Variants in USP34 observed in about 807,000 individuals in gnomAD.
The protein encoded by USP34 is ubiquitin specific peptidase 34, also known as ubiquitin carboxyl-terminal hydrolase 34.
Under a neutral mutation model 460.3 loss-of-function variants are expected in USP34, and 70 were observed. That is an observed-to-expected ratio of 0.15 (90% confidence interval 0.13 to 0.19). USP34 has a LOEUF of 0.19. USP34 is among the 10% of genes least tolerant of loss of function. The probability of loss-of-function intolerance (pLI) is 1.00; values close to 1 mark genes in which losing one functional copy is unlikely to be tolerated. For synonymous variants in USP34, 1,647 were observed against 1,405.3 expected (o/e 1.17, Z -3.85); for missense variants, 3,985 against 4,236.2 (o/e 0.94, Z 1.65).
At chr2:61,270,205 G>C (rs2103930331) in intron 41 of USP34, among the ~76,000 whole-genome samples, 1 of 152,304 alleles carries the variant, frequency 6.6e-6, no homozygotes, top group East Asian at 1.9e-4. Context: ...TGAGGACTCT[G>C]CCCTTATCAA....
At chr2:61,463,320 T>A (rs1006202694) in intron 1 of USP34, among the ~76,000 whole-genome samples, 12 of 152,098 alleles carry the variant, frequency 7.9e-5, no homozygotes, top group African/African-American at 2.9e-4. Context: ...ACACTGTCTC[T>A]TAAAAAATAA....
chr2:61,431,932 TTGAGA>T (rs1356167715), intron 1 of USP34, among the ~76,000 whole-genome samples: 2 of 152,148 alleles, frequency 1.3e-5, no homozygotes, highest in Non-Finnish European at 2.9e-5. Flanking sequence ...TGATAAATGC[TTGAGA>T]TAACAATAAT....
chr2:61,419,945 T>A (rs1292148152), intron 2 of USP34, among the ~76,000 whole-genome samples: 1 of 152,208 alleles, frequency 6.6e-6, no homozygotes, highest in African/African-American at 2.4e-5. Context: ...ACAAAGTCTT[T>A]TGCAACAAGT....
At chr2:61,306,253 G>A (rs1690400677) in intron 27 of USP34, among the ~76,000 whole-genome samples, 1 of 152,180 alleles carries the variant, frequency 6.6e-6, no homozygotes, top group African/African-American at 2.4e-5. Flanking sequence ...TGTATAAGGT[G>A]TAAGGAAGGG....
At chr2:61,400,793 A>G (rs1174288104) in intron 3 of USP34, among the ~76,000 whole-genome samples, 1 of 152,142 alleles carries the variant, frequency 6.6e-6, no homozygotes, top group East Asian at 1.9e-4. Flanking sequence ...CAAGGCTACA[A>G]TGAATCATAA....
chr2:61,288,934 A>C, intron 33 of USP34, 57 bp from the exon 34 acceptor site: 1 of 1,551,630 alleles, frequency 6.4e-7, no homozygotes, highest in Non-Finnish European at 8.8e-7. Context: ...AATGGCCACA[A>C]TACAATTTTG....
In USP34 at chr2:61,283,034, A is replaced by T. The variant is rs1689581497; in HGVS notation, c.4998+111T>A. ...CTTAAAGGATTAAGCAGATAATGTG[A>T]TATATTTATGGACTCACGCATATTT... On this transcript the variant is annotated intron_variant, in intron 37 of 79. Coordinates refer to ENST00000398571, the MANE Select transcript of USP34 (RefSeq NM_014709.4). 1.2e-5 allele frequency: 13 copies of T among 1,114,800 alleles called. No individual in the cohort carries two copies. In the South Asian group the frequency reaches 2.1e-4, roughly 18 times the overall value. The allele number at this position is 1,114,800 out of a possible 1,614,324, so 69.1% of individuals were successfully genotyped here.
At chr2:61,370,270 T>C in intron 10 of USP34, 51 bp downstream of exon 10, 2 of 1,566,156 alleles carry the variant, frequency 1.3e-6, no homozygotes, top group Non-Finnish European at 1.8e-6. Context: ...GAGAAGCACT[T>C]AGAACATATG....
chr2:61,339,089 T>A (rs1206503515), intron 18 of USP34, among the ~76,000 whole-genome samples: 1 of 152,160 alleles, frequency 6.6e-6, no homozygotes, highest in Admixed American at 6.5e-5. Flanking sequence ...ATCAAAAAGA[T>A]AGTATTGTTA....
chr2:61,274,750 T>C (rs1689321632), intron 41 of USP34, among the ~76,000 whole-genome samples: 1 of 152,218 alleles, frequency 6.6e-6, no homozygotes, highest in Admixed American at 6.5e-5. Flanking sequence ...AGGTTGTAGG[T>C]ACAGCCATAA....
intron 1 of USP34, among the ~76,000 whole-genome samples, chr2:61,453,728 A>AC: frequency 6.7e-6 from 1 of 150,278 alleles, no homozygotes; most frequent in African/African-American, 2.5e-5. Flanking sequence ...AAAAAAAAAA[A>AC]AAAAAAAGGA....
At chr2:61,310,197 T>C (rs1690543830) in intron 27 of USP34, among the ~76,000 whole-genome samples, 1 of 152,170 alleles carries the variant, frequency 6.6e-6, no homozygotes, top group Admixed American at 6.5e-5. Context: ...CTACGCACAA[T>C]ATATTTCAAC....
chr2:61,371,543 TATA>T (rs1368327852), intron 8 of USP34, among the ~76,000 whole-genome samples: 1 of 151,932 alleles, frequency 6.6e-6, no homozygotes, highest in East Asian at 1.9e-4. Context: ...TAAATGTTAT[TATA>T]AGAGTCAAAA....
At chr2:61,206,710 TC>T in intron 71 of USP34, 49 bp downstream of exon 71, 1 of 1,589,384 alleles carries the variant, frequency 6.3e-7, no homozygotes, top group East Asian at 2.2e-5. Context: ...AAACCTTCTC[TC>T]TCTTTACTAG....
At chr2:61,372,807 CAT>C (rs1448704143) in intron 8 of USP34, among the ~76,000 whole-genome samples, 1 of 152,104 alleles carries the variant, frequency 6.6e-6, no homozygotes, top group East Asian at 1.9e-4. Context: ...GGTCTGAAAA[CAT>C]ACATGCAATG....
chr2:61,321,774 G>A (rs1690930518), intron 21 of USP34, among the ~76,000 whole-genome samples: 2 of 152,256 alleles, frequency 1.3e-5, no homozygotes, highest in African/African-American at 2.4e-5. Flanking sequence ...CCCTAAAATA[G>A]GAGCACATCC....
chr2:61,278,171 T>C lies in USP34; in HGVS notation c.5427A>G (p.Glu1809=). Residue 1809 remains glutamate (E), a synonymous_variant, in exon 41 of 80, where the codon GAA becomes GAG. Coordinates refer to ENST00000398571, the MANE Select transcript of USP34 (RefSeq NM_014709.4). ...TGATTATCTTAACACTTACCTGTCCTTCCCTTGAAAATTTAAAGGGTGGTT... is the reference window on the plus strand; with the variant it reads ...TGATTATCTTAACACTTACCTGTCCCTCCCTTGAAAATTTAAAGGGTGGTT... ...KHKPPFKFSR[E]GQEFLRDIFN... is the part of the protein sequence containing the mutation. 1 of 1,612,852 alleles carries C rather than the reference T, an allele frequency of 6.2e-7. No individual in the cohort carries two copies. The highest frequency in any genetic ancestry group is 8.5e-7 in the Non-Finnish European group (1 of 1,179,328).
chr2:61,307,180 C>G (rs1395235014), intron 27 of USP34, among the ~76,000 whole-genome samples: 1 of 151,958 alleles, frequency 6.6e-6, no homozygotes, highest in African/African-American at 2.4e-5. Context: ...ATGGATGAAG[C>G]TGGAAACCAT....
intron 62 of USP34, among the ~76,000 whole-genome samples, chr2:61,225,836 T>C (rs1309582183): frequency 1.3e-5 from 2 of 152,372 alleles, no homozygotes; most frequent in South Asian, 2.1e-4. Context: ...TCACTGCCAA[T>C]AGTATTAAAA....
Sources: gnomAD v4.1 joint callset for allele counts (sites outside exome capture counted in the v4.1 genomes callset) on GRCh38, gnomAD v4.1.1 for gene constraint, MANE v1.5 for transcripts, NCBI Gene and HGNC (gene_info 2026-07-23, HGNC 2026-07-21) for gene names.